Variants in UNC5D observed in about 807,000 individuals in gnomAD.
UNC5D encodes the protein unc-5 netrin receptor D, also known as netrin receptor UNC5D.
A neutral mutation model predicts 105.4 loss-of-function variants in UNC5D; 39 were observed. The ratio of observed to expected loss-of-function variants is 0.37; its 90% CI spans 0.29 to 0.48. The LOEUF (loss-of-function observed/expected upper bound fraction) is 0.48, where lower values mean the gene tolerates loss of function less well. Among genes scored for constraint, UNC5D ranks in the 20% least tolerant of loss-of-function variants. UNC5D has a pLI of 0.98. For synonymous variants in UNC5D, 452 were observed against 450.4 expected (o/e 1.00, Z -0.04); for missense variants, 991 against 1,202.4 (o/e 0.82, Z 2.60).
At chr8:35,303,523 A>G (rs1464596875) in intron 1 of UNC5D, among the ~76,000 whole-genome samples, 1 of 152,198 alleles carries the variant, frequency 6.6e-6, no homozygotes, top group Non-Finnish European at 1.5e-5. Context: ...GCTGGAACCA[A>G]CATTTAAATC....
chr8:35,614,018 A>G (rs1383733780), intron 4 of UNC5D, among the ~76,000 whole-genome samples: 1 of 152,204 alleles, frequency 6.6e-6, no homozygotes, highest in Admixed American at 6.5e-5. Context: ...ATAAAGAGGG[A>G]GGACCCCAAA....
At chr8:35,591,677 C>T (rs1051881128) in intron 3 of UNC5D, among the ~76,000 whole-genome samples, 5 of 152,032 alleles carry the variant, frequency 3.3e-5, no homozygotes, top group Non-Finnish European at 5.9e-5. Context: ...TATCACTTTC[C>T]CCTTACCTCA....
At chr8:35,321,162 A>G (rs971868055) in intron 1 of UNC5D, among the ~76,000 whole-genome samples, 1 of 152,116 alleles carries the variant, frequency 6.6e-6, no homozygotes, top group African/African-American at 2.4e-5. Flanking sequence ...CTTTTTGGTC[A>G]CAGTTTATAA....
chr8:35,464,343 T>TA (rs1039364025), intron 1 of UNC5D, among the ~76,000 whole-genome samples: 2 of 151,368 alleles, frequency 1.3e-5, no homozygotes, highest in East Asian at 1.9e-4. Context: ...ATAATAATAA[T>TA]AATAAAAAAG....
Position 35,757,590 on chromosome 8 carries a change from A to G in UNC5D, c.2164-1730A>G, listed in dbSNP as rs566425694. Among the ~76,000 whole-genome samples, 2 of 152,242 alleles carry G rather than the reference A, an allele frequency of 1.3e-5. 1 individual carries two copies. The highest frequency in any genetic ancestry group is 4.1e-4 in the South Asian group (2 of 4,826). ...GCATTCATGTATGGTAATAGATACTATATTAGAACAATGCCTAGTGTCCAG... is the reference window on the plus strand; with the variant it reads ...GCATTCATGTATGGTAATAGATACTGTATTAGAACAATGCCTAGTGTCCAG... On this transcript the variant is annotated intron_variant, in intron 13 of 16. Coordinates refer to ENST00000404895, the MANE Select transcript of UNC5D (RefSeq NM_080872.4).
intron 1 of UNC5D, among the ~76,000 whole-genome samples, chr8:35,420,742 C>CT (rs11463747): frequency 0.54 from 80,177 of 148,872 alleles, 21,382 homozygotes; most frequent in Non-Finnish European, 0.57. Flanking sequence ...ATACCATGGG[C>CT]TTTTTTTTTT....
At chr8:35,431,986 T>C (rs1205432962) in intron 1 of UNC5D, among the ~76,000 whole-genome samples, 4 of 152,180 alleles carry the variant, frequency 2.6e-5, no homozygotes, top group Admixed American at 2.6e-4. Flanking sequence ...AAATTAATTT[T>C]ATGACATAAT....
chr8:35,356,530 T>A (rs1031485237), intron 1 of UNC5D, among the ~76,000 whole-genome samples: 4 of 152,170 alleles, frequency 2.6e-5, no homozygotes, highest in Non-Finnish European at 5.9e-5. Context: ...GTTTGAGGTA[T>A]GACAGCAAAA....
intron 4 of UNC5D, among the ~76,000 whole-genome samples, chr8:35,627,789 C>T (rs1026406793): frequency 3.3e-5 from 5 of 152,064 alleles, no homozygotes; most frequent in East Asian, 1.9e-4. Context: ...ATTAGCCAGG[C>T]GTGGTGGCAC....
At chr8:35,525,843 C>A in intron 1 of UNC5D, 1 of 1,334,396 alleles carries the variant, frequency 7.5e-7, no homozygotes, top group Non-Finnish European at 1.0e-6. Context: ...ACTTCAAAGG[C>A]ATTTAGTCAT....
intron 1 of UNC5D, among the ~76,000 whole-genome samples, chr8:35,323,788 A>C (rs1809933854): frequency 6.6e-6 from 1 of 152,144 alleles, no homozygotes; most frequent in Admixed American, 6.5e-5. Flanking sequence ...ATTACTCCAT[A>C]ATCTATGGAG....
chr8:35,316,219 T>G (rs1381671923), intron 1 of UNC5D, among the ~76,000 whole-genome samples: 1 of 152,206 alleles, frequency 6.6e-6, no homozygotes, highest in African/African-American at 2.4e-5. Flanking sequence ...ATTGACTGGG[T>G]GTGAGTTGCT....
At chr8:35,646,408 A>G (rs1823052741) in intron 4 of UNC5D, among the ~76,000 whole-genome samples, 1 of 152,136 alleles carries the variant, frequency 6.6e-6, no homozygotes. Context: ...GATTAAAATC[A>G]GCTCATTTTT....
At chr8:35,539,042 A>G (rs1285356408) in intron 1 of UNC5D, among the ~76,000 whole-genome samples, 1 of 152,180 alleles carries the variant, frequency 6.6e-6, no homozygotes, top group Non-Finnish European at 1.5e-5. Flanking sequence ...AATGTTCAAT[A>G]GTAAAGAAAT....
intron 1 of UNC5D, among the ~76,000 whole-genome samples, chr8:35,501,038 A>G (rs1811932350): frequency 6.6e-6 from 1 of 152,046 alleles, no homozygotes; most frequent in African/African-American, 2.4e-5. Flanking sequence ...GACATGTCTG[A>G]CTTGTTTGCC....
intron 4 of UNC5D, among the ~76,000 whole-genome samples, chr8:35,626,808 G>C: frequency 6.6e-6 from 1 of 152,190 alleles, no homozygotes; most frequent in East Asian, 1.9e-4. Flanking sequence ...GTAGGGCCTA[G>C]TCTATATATG....
intron 4 of UNC5D, among the ~76,000 whole-genome samples, chr8:35,678,673 T>G (rs1825443118): frequency 6.6e-6 from 1 of 152,208 alleles, no homozygotes; most frequent in South Asian, 2.1e-4. Flanking sequence ...GACCACTTTT[T>G]TATGTTTTTA....
intron 1 of UNC5D, among the ~76,000 whole-genome samples, chr8:35,376,014 C>A (rs1270445680): frequency 1.3e-5 from 2 of 152,142 alleles, no homozygotes; most frequent in Non-Finnish European, 2.9e-5. Context: ...CAATCTGTAT[C>A]TTATGGTGCT....
At position 35,722,333 on chromosome 8, in the gene UNC5D, TCATTGACTCTTCTG is replaced by T; in HGVS notation, c.1249_1262del (p.Ser417ArgfsTer15). ...AGCCAGAGTGACTATGGCGTGGACG[TCATTGACTCTTCTG>T]CATTGACAGGTGGCTTCCAGACCTT... On this transcript the variant is annotated frameshift_variant, in exon 9 of 17. Coordinates refer to ENST00000404895, the MANE Select transcript of UNC5D (RefSeq NM_080872.4). LOFTEE classifies it high-confidence loss of function. 1 of 1,614,128 alleles carries T rather than the reference TCATTGACTCTTCTG, an allele frequency of 6.2e-7. No homozygotes were observed. Among genetic ancestry groups the T allele is most frequent in the Non-Finnish European group, 8.5e-7 (1 of 1,180,016 alleles).
Sources: gnomAD v4.1 joint callset for allele counts (sites outside exome capture counted in the v4.1 genomes callset) on GRCh38, gnomAD v4.1.1 for gene constraint, MANE v1.5 for transcripts, NCBI Gene and HGNC (gene_info 2026-07-23, HGNC 2026-07-21) for gene names.